TNFRSF10D: variants seen among roughly 807,000 people sequenced by gnomAD.
The protein encoded by TNFRSF10D is TNF receptor superfamily member 10d.
TNFRSF10D carries 28 observed loss-of-function variants against 42.1 expected under a neutral mutation model. That is an observed-to-expected ratio of 0.66 (90% CI 0.49 to 0.91). The LOEUF is 0.91. Among genes scored for constraint, TNFRSF10D ranks in the 40% least tolerant of loss-of-function variants. TNFRSF10D has a pLI of 0.00. For synonymous variants in TNFRSF10D, 186 were observed against 189.4 expected, an observed-to-expected ratio of 0.98 and a Z score of 0.15; for missense variants, 503 against 486.1, an observed-to-expected ratio of 1.03 and a Z score of -0.33.
chr8:23,136,062 T>G lies in TNFRSF10D; in HGVS notation c.*1808A>C, dbSNP rs879090328. On this transcript the variant is annotated 3_prime_UTR_variant, in exon 9 of 9. Transcript: ENST00000312584. ...ATCTGAATGTGCGAACTTCAGGCAG[T>G]TCTAACTTTGTCCCAGCCAAACCAG... 1,662 of 386,946 alleles carry G rather than the reference T, an allele frequency of 4.3e-3. No individual in the cohort carries two copies. The highest frequency in any genetic ancestry group is 0.02 in the African/African-American group (953 of 48,346). 24.0% of individuals were successfully genotyped at this position (386,946 alleles called of 1,614,324 possible).
chr8:23,153,244 T>C (rs1585263418), intron 2 of TNFRSF10D, among the ~76,000 whole-genome samples: 1 of 152,190 alleles, frequency 6.6e-6, no homozygotes, highest in African/African-American at 2.4e-5. Flanking sequence ...AGATTAAACA[T>C]AAGCCCTGAA....
intron 7 of TNFRSF10D, among the ~76,000 whole-genome samples, chr8:23,143,613 C>G (rs1312748200): frequency 2.0e-5 from 3 of 151,942 alleles, no homozygotes; most frequent in Non-Finnish European, 4.4e-5. Context: ...GGAAAGTGAA[C>G]CTTGTCTAGG....
intron 7 of TNFRSF10D, among the ~76,000 whole-genome samples, chr8:23,140,984 A>T (rs1169672564): frequency 1.3e-5 from 2 of 152,192 alleles, no homozygotes; most frequent in Non-Finnish European, 2.9e-5. Context: ...GAACAACGAA[A>T]ACTAGACCCC....
chr8:23,144,740 C>T (rs1800089761), intron 6 of TNFRSF10D, 105 bp from the exon 7 acceptor site: 1 of 1,378,694 alleles, frequency 7.3e-7, no homozygotes, highest in African/African-American at 1.4e-5. Context: ...AATGAGGTCA[C>T]CCCAGGCAGC....
At chr8:23,161,766 G>A (rs564512123) in intron 1 of TNFRSF10D, among the ~76,000 whole-genome samples, 10 of 152,342 alleles carry the variant, frequency 6.6e-5, no homozygotes, top group Non-Finnish European at 1.0e-4. Flanking sequence ...AGGGATACAG[G>A]CACATGTGTG....
At chr8:23,159,419 G>A (rs886764296) in intron 1 of TNFRSF10D, among the ~76,000 whole-genome samples, 19 of 152,286 alleles carry the variant, frequency 1.2e-4, no homozygotes, top group African/African-American at 4.6e-4. Context: ...GAGGCCAAGA[G>A]ATTACTGTGC....
chr8:23,146,533 T>C (rs532752738), intron 4 of TNFRSF10D, among the ~76,000 whole-genome samples: 937 of 152,216 alleles, frequency 6.2e-3, no homozygotes, highest in African/African-American at 0.019. Flanking sequence ...CACTTTTGTC[T>C]TTATGGGTCC....
At chr8:23,149,214 A>G (rs1308719840) in intron 2 of TNFRSF10D, among the ~76,000 whole-genome samples, 1 of 150,372 alleles carries the variant, frequency 6.7e-6, no homozygotes, top group Non-Finnish European at 1.5e-5. Context: ...AAAAGAAAAG[A>G]AAAGAAAAGA....
intron 1 of TNFRSF10D, among the ~76,000 whole-genome samples, chr8:23,157,419 T>G (rs944071160): frequency 2.0e-5 from 3 of 152,248 alleles, no homozygotes; most frequent in African/African-American, 7.2e-5. Context: ...ACTTCCAGTC[T>G]CGTTTCATTA....
chr8:23,140,103 C>A (rs1442432788), intron 7 of TNFRSF10D, among the ~76,000 whole-genome samples: 1 of 152,172 alleles, frequency 6.6e-6, no homozygotes, highest in Non-Finnish European at 1.5e-5. Flanking sequence ...TCCTGGCTAA[C>A]ACGGTGAAAC....
intron 2 of TNFRSF10D, among the ~76,000 whole-genome samples, chr8:23,148,792 A>G (rs998062520): frequency 1.3e-5 from 2 of 150,004 alleles, no homozygotes; most frequent in Non-Finnish European, 2.9e-5. Flanking sequence ...GCCACATTAA[A>G]ATAGTACAAA....
At chr8:23,153,148 A>T (rs537844980) in intron 2 of TNFRSF10D, among the ~76,000 whole-genome samples, 452 of 151,390 alleles carry the variant, frequency 3.0e-3, no homozygotes, top group African/African-American at 9.2e-3. Context: ...TAAATGATGT[A>T]GAGGAAAGTA....
chr8:23,151,814 A>G (rs1347942111), intron 2 of TNFRSF10D, among the ~76,000 whole-genome samples: 4 of 152,358 alleles, frequency 2.6e-5, no homozygotes, highest in Admixed American at 2.0e-4. Context: ...ATAGCTACAA[A>G]AAAAATGCTT....
Position 23,136,263 on chromosome 8 carries a change from A to T in TNFRSF10D, c.*1607T>A. 4.2e-6 allele frequency: 1 copy of T among 238,888 alleles called. No homozygotes were observed. Among genetic ancestry groups the T allele is most frequent in the South Asian group, 5.1e-5 (1 of 19,506 alleles). 14.8% of individuals were successfully genotyped at this position (238,888 alleles called of 1,614,324 possible). On this transcript the variant is annotated 3_prime_UTR_variant, in exon 9 of 9. Transcript: ENST00000312584. The stretch of plus-strand genomic sequence containing the variant: ...ATAATGGAACGTGACACAAGGACAA[A>T]TGTGTCAGCCATTTTAGATCCTGTT...
chr8:23,163,892 C>G lies in TNFRSF10D; in HGVS notation c.44G>C (p.Arg15Pro), dbSNP rs758918421. The G allele has an allele frequency of 3.8e-6, 6 of 1,593,770 alleles. No homozygotes were observed. The highest frequency in any genetic ancestry group is 5.1e-6 in the Non-Finnish European group (6 of 1,172,466). The part of the protein sequence containing the change: ...GQSVPTASSA[R>P]AGRYPGARTA... ...CCTGGCTCCTGGATAGCGCCCTGCTCGAGCGCTCGAGGCGGTCGGGACGCT... is the reference window on the plus strand; with the variant it reads ...CCTGGCTCCTGGATAGCGCCCTGCTGGAGCGCTCGAGGCGGTCGGGACGCT... Residue 15 changes from arginine (R) to proline (P), a missense_variant, in exon 1 of 9, where the codon CGA becomes CCA. Arg to Pro is a moderately radical substitution (Grantham distance 103). Transcript: ENST00000312584.
At position 23,144,389 on chromosome 8, in the gene TNFRSF10D, C is replaced by T. The variant is rs182214817; in HGVS notation, c.954+61G>A. On this transcript the variant is annotated intron_variant, in intron 7 of 8. Transcript: ENST00000312584. ...AAAGAGGAGGCACTGCCATGTCCCA[C>T]TGTCTACAAAGTCCTGTGCAGGCTG... 4.5e-5 allele frequency: 70 copies of T among 1,556,128 alleles called. 1 individual carries two copies. The African/African-American group carries it at 7.6e-4, about 17-fold the overall frequency.
rs528343387 is a variant in TNFRSF10D, at chr8:23,147,253, T to C, written c.371-181A>G. Among the ~76,000 whole-genome samples the C allele has an allele frequency of 3.8e-4, 58 of 151,684 alleles. No individual in the cohort carries two copies. In the South Asian group the frequency reaches 0.012, roughly 31 times the overall value. ...CACCCACCCTGTATGTAAGGACCAA[T>C]ACAAAAGGACCGTGATTCATTATTT... On this transcript the variant is annotated intron_variant, in intron 3 of 8. Coordinates refer to ENST00000312584, the MANE Select transcript of TNFRSF10D (RefSeq NM_003840.5).
rs771248330 is a variant in TNFRSF10D at position 23,137,904 on chromosome 8, T to G, written c.1127A>C (p.Glu376Ala). The G allele has an allele frequency of 3.1e-6, 5 of 1,614,078 alleles. No individual in the cohort carries two copies. In the South Asian group the frequency reaches 3.3e-5, roughly 11 times the overall value. ...GGACGTAGCAGAGCCTGCCTCATCT[T>G]CTTCATAAAAGAGCTTTTCGGAGCC... Reference protein sequence around the residue: ...LVGSEKLFYEEDEAGSATSCL With the variant: ...LVGSEKLFYEADEAGSATSCL The change falls in exon 9 of 9, where the codon GAA becomes GCA. Residue 376 changes from glutamate (E) to alanine (A), a missense_variant. Glu to Ala is a moderately radical substitution (Grantham distance 107). Transcript: ENST00000312584.
rs374515159 is a variant in TNFRSF10D at position 23,145,164 on chromosome 8, G to A, written c.737-75C>T. 1.3e-4 allele frequency: 211 copies of A among 1,589,640 alleles called. No homozygotes were observed. The African/African-American group carries it at 2.0e-3, about 15-fold the overall frequency. On this transcript the variant is annotated intron_variant, in intron 5 of 8. Coordinates refer to ENST00000312584, the MANE Select transcript of TNFRSF10D (RefSeq NM_003840.5). ...CCTCCCTCCCAGAGGACAGTGGGGC[G>A]CAGGGCTGGCTGGGGGCTGGGACAC...
Sources: allele counts gnomAD v4.1 joint callset (sites outside exome capture counted in the v4.1 genomes callset), GRCh38; gene constraint gnomAD v4.1.1; transcripts MANE v1.5; gene names NCBI Gene and HGNC (gene_info 2026-07-23, HGNC 2026-07-21).